Variants in PLBD2 observed in about 807,000 individuals in gnomAD.
PLBD2 encodes the protein putative aminopeptidase PLBD2.
A neutral mutation model predicts 68.3 loss-of-function variants in PLBD2; 51 were observed. The observed-to-expected ratio is 0.75, with a 90% CI of 0.60 to 0.94. The LOEUF (loss-of-function observed/expected upper bound fraction) is 0.94. Among genes scored for constraint, PLBD2 ranks in the 40% least tolerant of loss-of-function variants. The probability of loss-of-function intolerance (pLI) is 0.00; values close to 1 mark genes in which losing one functional copy is unlikely to be tolerated. For synonymous variants in PLBD2, 314 were observed against 339.3 expected, an observed-to-expected ratio of 0.93 and a Z score of 0.82; for missense variants, 729 against 792.2, an observed-to-expected ratio of 0.92 and a Z score of 0.96.
chr12:113,367,364 T>G (rs1957350179), intron 1 of PLBD2, among the ~76,000 whole-genome samples: 1 of 151,986 alleles, frequency 6.6e-6, no homozygotes, highest in Non-Finnish European at 1.5e-5. Context: ...AGTGAGGGAG[T>G]GGGCAAACAG....
Position 113,386,974 on chromosome 12 carries a change from G to A in PLBD2, c.1324G>A (p.Ala442Thr), listed in dbSNP as rs374268899. 8.7e-6 allele frequency: 14 copies of A among 1,613,000 alleles called. No individual in the cohort carries two copies. Among genetic ancestry groups the A allele is most frequent in the Non-Finnish European group, 1.2e-5 (14 of 1,179,618 alleles). The change falls in exon 10 of 12, where the codon GCC becomes ACC. Residue 442 changes from alanine (A) to threonine (T), a missense_variant. Coordinates refer to ENST00000280800, the MANE Select transcript of PLBD2 (RefSeq NM_173542.4). Reference sequence around the variant, plus strand: ...TGTGTTCAATGCCAGTGGGCTGCAGGCCCTAGTGGCCCAGTATGGGGACTG... The same window carrying A: ...TGTGTTCAATGCCAGTGGGCTGCAGACCCTAGTGGCCCAGTATGGGGACTG... ...ETVFNASGLQALVAQYGDWFS... is the reference protein window; with the variant it reads ...ETVFNASGLQTLVAQYGDWFS...
At position 113,380,966 on chromosome 12, in the gene PLBD2, A is replaced by G. The variant is rs998380237; in HGVS notation, c.957+124A>G. 41 of 914,144 alleles carry G rather than the reference A, an allele frequency of 4.5e-5. No homozygotes were observed. In the Admixed American group the frequency reaches 8.1e-4, roughly 18 times the overall value. 56.6% of individuals were successfully genotyped at this position (914,144 alleles called of 1,614,324 possible). On this transcript the variant is annotated intron_variant, in intron 6 of 11. Transcript: ENST00000280800. ...TGCAGCCCAGTGCTGGGTGCCATGT[A>G]GGAGCCAGGGGTGCAGTGGAGGATG...
Position 113,384,044 on chromosome 12 carries a change from G to T in PLBD2, c.958-61G>T. 18 of 1,158,258 alleles carry T rather than the reference G, an allele frequency of 1.6e-5. No homozygotes were observed. Among genetic ancestry groups the T allele is most frequent in the Non-Finnish European group, 2.1e-5 (18 of 844,770 alleles). 71.7% of individuals were successfully genotyped at this position (1,158,258 alleles called of 1,614,324 possible). ...AATTTTTGGAGCCATGACTGATGAA[G>T]TACTGCCACTTGGTGGCAGCATGCC... is the stretch of plus-strand genomic sequence containing the variant. On this transcript the variant is annotated intron_variant, in intron 6 of 11. Coordinates refer to ENST00000280800, the MANE Select transcript of PLBD2 (RefSeq NM_173542.4). The surrounding 1 kb of genome is among the most constrained non-coding windows in gnomAD (Gnocchi z 4.2).
Position 113,372,681 on chromosome 12 carries a change from G to A in PLBD2, c.417G>A (p.Val139=). The A allele has an allele frequency of 6.2e-7, 1 of 1,614,032 alleles. No individual in the cohort carries two copies. Among genetic ancestry groups the A allele is most frequent in the Non-Finnish European group, 8.5e-7 (1 of 1,179,982 alleles). ...LIYMHWMNTV[V]NYCGPFEYEV... is the part of the protein sequence containing the mutation. ...ACATGCACTGGATGAACACGGTGGT[G>A]AATTACTGCGGCCCCTTCGAGTATG... Residue 139 remains valine, a synonymous_variant, in exon 3 of 12, where the codon GTG becomes GTA. Coordinates refer to ENST00000280800, the MANE Select transcript of PLBD2 (RefSeq NM_173542.4). This position sits in a 1 kb window ranked among gnomAD's most constrained non-coding sequence, Gnocchi z 4.2.
intron 6 of PLBD2, among the ~76,000 whole-genome samples, chr12:113,382,272 G>A (rs1056531879): frequency 2.0e-5 from 3 of 152,212 alleles, no homozygotes; most frequent in Non-Finnish European, 1.5e-5. Context: ...AGAAGCAGGT[G>A]TGATAAATAC....
intron 5 of PLBD2, among the ~76,000 whole-genome samples, chr12:113,375,928 A>T (rs1459356546): frequency 1.3e-5 from 2 of 152,134 alleles, no homozygotes; most frequent in Non-Finnish European, 1.5e-5. Flanking sequence ...ATCTCAGCTC[A>T]CTGCAACCTC....
intron 1 of PLBD2, among the ~76,000 whole-genome samples, 171 bp from the exon 2 acceptor site, chr12:113,368,945 G>T (rs1009527118): frequency 6.6e-6 from 1 of 152,204 alleles, no homozygotes; most frequent in Non-Finnish European, 1.5e-5. Context: ...CTTTGAGCCA[G>T]TAGTTCCTCT....
intron 5 of PLBD2, among the ~76,000 whole-genome samples, chr12:113,377,408 C>T (rs937965994): frequency 6.6e-6 from 1 of 152,038 alleles, no homozygotes; most frequent in African/African-American, 2.4e-5. Flanking sequence ...CATCTCTGTC[C>T]TGATTTCTGT....
chr12:113,378,059 G>T (rs1400423893), intron 5 of PLBD2, among the ~76,000 whole-genome samples: 1 of 152,220 alleles, frequency 6.6e-6, no homozygotes. Flanking sequence ...CACTTTGGGA[G>T]GCCAAGGCAG....
At chr12:113,388,053 C>A in intron 11 of PLBD2, 147 bp downstream of exon 11, 2 of 1,079,950 alleles carry the variant, frequency 1.9e-6, no homozygotes, top group East Asian at 2.5e-5. Flanking sequence ...GTAAAGGTGA[C>A]AGTATGGGCT....
rs114527345 is a variant in PLBD2 at position 113,365,898 on chromosome 12, T to A, written c.291-3218T>A. On this transcript the variant is annotated intron_variant, in intron 1 of 11. Transcript: ENST00000280800. ...AGTCAGATAATTGTAGCAGCAGCAG[T>A]ATACCTCCTCAGGACAACCCCTTGA... 3.9e-3 allele frequency among the ~76,000 whole-genome samples: 599 copies of A among 152,330 alleles called. 6 individuals carry two copies. Among genetic ancestry groups the A allele is most frequent in the African/African-American group, 0.013 (548 of 41,588 alleles).
At chr12:113,368,987 A>G in intron 1 of PLBD2, 129 bp from the exon 2 acceptor site, 1 of 596,178 alleles carries the variant, frequency 1.7e-6, no homozygotes, top group Non-Finnish European at 3.0e-6. Context: ...GCTCACAAAG[A>G]TGGACAGACA....
chr12:113,370,622 C>G (rs1238827764), intron 2 of PLBD2, among the ~76,000 whole-genome samples: 3 of 151,726 alleles, frequency 2.0e-5, no homozygotes, highest in Admixed American at 2.0e-4. Context: ...GAATTACAGG[C>G]ATGCACCACC....
chr12:113,367,028 C>T lies in PLBD2; in HGVS notation c.291-2088C>T, dbSNP rs149757810. 6.2e-3 allele frequency among the ~76,000 whole-genome samples: 942 copies of T among 152,182 alleles called. 8 individuals are homozygous for T. Among genetic ancestry groups the T allele is most frequent in the African/African-American group, 0.021 (892 of 41,518 alleles). ...AGACATGGGGGTTTCACCATGTTGG[C>T]CAGGCTGGTCTCAAATTTCTCGAAT... On this transcript the variant is annotated intron_variant, in intron 1 of 11. Coordinates refer to ENST00000280800, the MANE Select transcript of PLBD2 (RefSeq NM_173542.4).
chr12:113,376,555 C>T (rs1957439613), intron 5 of PLBD2, among the ~76,000 whole-genome samples: 1 of 152,244 alleles, frequency 6.6e-6, no homozygotes, highest in Non-Finnish European at 1.5e-5. Context: ...TGAGGAACTG[C>T]AGAGTCACAT....
intron 1 of PLBD2, among the ~76,000 whole-genome samples, chr12:113,361,665 A>G (rs1277837914): frequency 6.6e-6 from 1 of 152,000 alleles, no homozygotes; most frequent in African/African-American, 2.4e-5. Flanking sequence ...CAGTTGTGCC[A>G]TATCTTGACT....
At chr12:113,363,883 C>G (rs1957318605) in intron 1 of PLBD2, among the ~76,000 whole-genome samples, 1 of 152,194 alleles carries the variant, frequency 6.6e-6, no homozygotes, top group Admixed American at 6.5e-5. Flanking sequence ...GAGGCCTAAA[C>G]CTTCTTGCAT....
intron 5 of PLBD2, among the ~76,000 whole-genome samples, chr12:113,378,754 C>T (rs996075446): frequency 4.0e-5 from 6 of 151,244 alleles, no homozygotes; most frequent in Admixed American, 1.3e-4. Flanking sequence ...GGCACAATCT[C>T]GGCTCACTTC....
rs1464794679 is a variant in PLBD2, at chr12:113,389,611, A to G, written c.*985A>G. The G allele has an allele frequency of 6.7e-6, 1 of 149,512 alleles. No homozygotes were observed. The highest frequency in any genetic ancestry group is 2.5e-5 in the African/African-American group (1 of 40,514). 9.3% of individuals were successfully genotyped at this position (149,512 alleles called of 1,614,324 possible). A position where few individuals can be genotyped will look rare whatever the true frequency, so the allele number is the denominator to read the frequency against. On this transcript the variant is annotated 3_prime_UTR_variant, in exon 12 of 12. Transcript: ENST00000280800. ...TCTTCCATCATCCATCCATCCATCT[A>G]CCTATCCATTTATCATCCATCCACT...
Sources: gnomAD v4.1 joint callset for allele counts (sites outside exome capture counted in the v4.1 genomes callset) on GRCh38, gnomAD v4.1.1 for gene constraint, Gnocchi (gnomAD v3.1) non-coding constraint, MANE v1.5 for transcripts, NCBI Gene and HGNC (gene_info 2026-07-23, HGNC 2026-07-21) for gene names.